The following RPGRIP1 variants were observed in gnomAD, a reference collection of about 807,000 sequenced individuals.
The protein encoded by RPGRIP1 is RPGR interacting protein 1.
In RPGRIP1, 128 loss-of-function variants were observed where a neutral mutation model predicts 157.9. The ratio of observed to expected loss-of-function variants is 0.81; its 90% CI spans 0.70 to 0.94. The LOEUF is 0.94. Ranked by LOEUF, RPGRIP1 falls within the 40% of genes least tolerant of loss-of-function variation. RPGRIP1 has a pLI of 0.00. For missense variants in RPGRIP1, 1,486 were observed against 1,545.8 expected (o/e 0.96, Z 0.65); for synonymous variants, 554 against 571.6 (o/e 0.97, Z 0.44).
intron 21 of RPGRIP1, among the ~76,000 whole-genome samples, chr14:21,335,442 G>A (rs1489133987): frequency 6.6e-6 from 1 of 152,046 alleles, no homozygotes; most frequent in Non-Finnish European, 1.5e-5. Flanking sequence ...TTCCATTTCT[G>A]CTGTTTTTTA....
At chr14:21,346,304 C>T (rs552455797) in intron 23 of RPGRIP1, among the ~76,000 whole-genome samples, 2 of 152,190 alleles carry the variant, frequency 1.3e-5, no homozygotes, top group Admixed American at 1.3e-4. Context: ...AATCCCAGCA[C>T]TTTGGGAGGC....
At chr14:21,320,391 C>T (rs981407355) in intron 12 of RPGRIP1, among the ~76,000 whole-genome samples, 1 of 148,014 alleles carries the variant, frequency 6.8e-6, no homozygotes, top group Non-Finnish European at 1.5e-5. Flanking sequence ...CTGGGGTTCA[C>T]GCCGTTCTCC....
intron 5 of RPGRIP1, 184 bp downstream of exon 5, chr14:21,302,768 C>T (rs1395899769): frequency 1.0e-5 from 4 of 386,058 alleles, no homozygotes; most frequent in Non-Finnish European, 1.9e-5. Context: ...TCTCTCTGTT[C>T]TCTGAGGAAA....
rs372543522 is a variant in RPGRIP1, at chr14:21,333,924, CT to C, written c.3239-662del. The stretch of plus-strand genomic sequence containing the variant: ...GATAGGAGAGACCATTTGAGGCCAC[CT>C]TTTTTTTTTTTTTTTTTTGAGACAG... On this transcript the variant is annotated intron_variant, in intron 20 of 24. Coordinates refer to ENST00000400017, the MANE Select transcript of RPGRIP1 (RefSeq NM_020366.4). 5.4e-3 allele frequency among the ~76,000 whole-genome samples: 702 copies of C among 130,530 alleles called. 2 individuals carry two copies. The highest frequency in any genetic ancestry group is 0.014 in the African/African-American group (488 of 34,552). 85.6% of individuals were successfully genotyped at this position (130,530 alleles called of 152,430 possible).
chr14:21,290,660 C>CA (rs1399142564), intron 2 of RPGRIP1, among the ~76,000 whole-genome samples: 3 of 150,642 alleles, frequency 2.0e-5, no homozygotes, highest in African/African-American at 4.9e-5. Context: ...CTAAAAAATA[C>CA]AAAAAAAAAT....
chr14:21,324,954 G>T lies in RPGRIP1; in HGVS notation c.2099G>T (p.Arg700Leu). Residue 700 changes from arginine to leucine, a missense_variant, in exon 15 of 25, where the codon CGG becomes CTG. By Grantham distance (102) the Arg-to-Leu change is moderately radical (BLOSUM62 -2). Coordinates refer to ENST00000400017, the MANE Select transcript of RPGRIP1 (RefSeq NM_020366.4). ...FLHYLQEASA[R>L]LDIHQAMASE... ...CACTACCTTCAAGAGGCTTCAGCCC[G>T]GCTTGACATACACCAGGCCATGGCC... 6.2e-7 allele frequency: 1 copy of T among 1,613,990 alleles called. No homozygotes were observed. Among genetic ancestry groups the T allele is most frequent in the Non-Finnish European group, 8.5e-7 (1 of 1,179,888 alleles).
intron 4 of RPGRIP1, among the ~76,000 whole-genome samples, chr14:21,301,849 G>A (rs1881050882): frequency 1.3e-5 from 2 of 151,820 alleles, no homozygotes. Context: ...CTGAACTCCA[G>A]CCTGGGCAAC....
intron 2 of RPGRIP1, among the ~76,000 whole-genome samples, chr14:21,292,646 A>G (rs1329917475): frequency 3.3e-5 from 5 of 151,856 alleles, no homozygotes; most frequent in Admixed American, 6.6e-5. Flanking sequence ...GTTTGAGACC[A>G]GCCTGGCCAA....
rs112133912 is a variant in RPGRIP1, at chr14:21,329,307, A to G, written c.3099+680A>G. Among the ~76,000 whole-genome samples the G allele has an allele frequency of 3.7e-3, 560 of 152,018 alleles. 3 individuals are homozygous for G. The highest frequency in any genetic ancestry group is 0.013 in the African/African-American group (536 of 41,480). On this transcript the variant is annotated intron_variant, in intron 19 of 24. Coordinates refer to ENST00000400017, the MANE Select transcript of RPGRIP1 (RefSeq NM_020366.4). ...GCATTCCAGCCTGGGCGACAGAGCA[A>G]GACTCCATCTCAAAAAAATAAAAAT...
At position 21,343,211 on chromosome 14, in the gene RPGRIP1, A is replaced by G; in HGVS notation, c.3515A>G (p.His1172Arg). 1.2e-6 allele frequency: 2 copies of G among 1,612,452 alleles called. No homozygotes were observed. Among genetic ancestry groups the G allele is most frequent in the Non-Finnish European group, 1.7e-6 (2 of 1,179,308 alleles). ...AAGCCTAGGGCAGGAGAAGAAATCC[A>G]CTTTCACTTTAGCAAGGGTGAGGCA... ...LRKPRAGEEIHFHFSKVIDLD... is the reference protein window; with the variant it reads ...LRKPRAGEEIRFHFSKVIDLD... The change falls in exon 22 of 25, where the codon CAC becomes CGC. Residue 1172 changes from histidine to arginine, a missense_variant. By Grantham distance (29) the His-to-Arg change is conservative (BLOSUM62 0). Transcript: ENST00000400017.
intron 11 of RPGRIP1, among the ~76,000 whole-genome samples, chr14:21,318,444 G>A (rs987904504): frequency 2.0e-5 from 3 of 151,686 alleles, no homozygotes; most frequent in Admixed American, 6.6e-5. Flanking sequence ...TTTTTTAAAC[G>A]TTCAGTTTAT....
At chr14:21,350,095 G>T (rs1230523330) in intron 24 of RPGRIP1, among the ~76,000 whole-genome samples, 1 of 152,140 alleles carries the variant, frequency 6.6e-6, no homozygotes, top group African/African-American at 2.4e-5. Flanking sequence ...GGAATTAAAG[G>T]CCAGGCGAGG....
chr14:21,309,951 G>C (rs1348317158), intron 7 of RPGRIP1, among the ~76,000 whole-genome samples: 3 of 150,214 alleles, frequency 2.0e-5, no homozygotes, highest in African/African-American at 7.3e-5. Context: ...TAGGTGTGGT[G>C]GGGGGCACCT....
At chr14:21,350,504 T>C (rs1886137199) in intron 24 of RPGRIP1, among the ~76,000 whole-genome samples, 1 of 152,166 alleles carries the variant, frequency 6.6e-6, no homozygotes, top group African/African-American at 2.4e-5. Context: ...ATTATAAACA[T>C]TTTTTGAGGA....
In RPGRIP1 at chr14:21,299,899, G is replaced by A. The variant is rs932920539; in HGVS notation, c.219-1067G>A. On this transcript the variant is annotated intron_variant, in intron 3 of 24. Coordinates refer to ENST00000400017, the MANE Select transcript of RPGRIP1 (RefSeq NM_020366.4). ...CCATCTTTCTAGCTTGCTGACTGCTGCTTTCTCACTGTGTCTTGGGAGGTG... is the reference window on the plus strand; with the variant it reads ...CCATCTTTCTAGCTTGCTGACTGCTACTTTCTCACTGTGTCTTGGGAGGTG... 2.6e-5 allele frequency among the ~76,000 whole-genome samples: 4 copies of A among 152,292 alleles called. No individual in the cohort carries two copies. In the South Asian group the frequency reaches 6.2e-4, roughly 24 times the overall value.
chr14:21,348,908 G>A (rs1191532392), intron 24 of RPGRIP1, among the ~76,000 whole-genome samples: 1 of 151,596 alleles, frequency 6.6e-6, no homozygotes, highest in East Asian at 1.9e-4. Context: ...TGATCTGCTT[G>A]CCTTGGCCTC....
intron 2 of RPGRIP1, 22 bp downstream of exon 2, chr14:21,288,083 G>C: frequency 6.7e-7 from 1 of 1,484,916 alleles, no homozygotes; most frequent in African/African-American, 1.4e-5. Flanking sequence ...GCCTGAGGAT[G>C]GACACCTTTT....
chr14:21,283,858 T>C (rs1880215336), intron 1 of RPGRIP1, among the ~76,000 whole-genome samples: 1 of 150,668 alleles, frequency 6.6e-6, no homozygotes, highest in East Asian at 2.0e-4. Context: ...CTCGAACTCC[T>C]GGCCGCAGGT....
intron 21 of RPGRIP1, among the ~76,000 whole-genome samples, chr14:21,338,577 A>G (rs1884649236): frequency 6.6e-6 from 1 of 152,210 alleles, no homozygotes; most frequent in Non-Finnish European, 1.5e-5. Flanking sequence ...AAAATTACAT[A>G]ATGGAATTAG....
Sources: gnomAD v4.1 joint callset for allele counts (sites outside exome capture counted in the v4.1 genomes callset) on GRCh38, gnomAD v4.1.1 for gene constraint, MANE v1.5 for transcripts, NCBI Gene and HGNC (gene_info 2026-07-23, HGNC 2026-07-21) for gene names.